The following KLF12 variants were observed in gnomAD, a reference collection of about 807,000 sequenced individuals.
The protein encoded by KLF12 is KLF transcription factor 12, also known as Krueppel-like factor 12.
A neutral mutation model predicts 37.8 loss-of-function variants in KLF12; 9 were observed. The observed-to-expected ratio is 0.24, with a 90% confidence interval of 0.14 to 0.42. The LOEUF is 0.42. Among genes scored for constraint, KLF12 ranks in the 10% least tolerant of loss-of-function variants. The pLI is 1.00. For synonymous variants in KLF12, 208 were observed against 202.1 expected (o/e 1.03, Z -0.25); for missense variants, 411 against 516.0 (o/e 0.80, Z 1.97).
chr13:74,041,732 A>ACACACC (rs1491104377), intron 1 of KLF12, among the ~76,000 whole-genome samples: 30 of 139,626 alleles, frequency 2.1e-4, no homozygotes, highest in East Asian at 1.3e-3. Context: ...ACACACACAC[A>ACACACC]CCCCTTCAAA....
intron 1 of KLF12, among the ~76,000 whole-genome samples, chr13:74,017,749 A>G (rs1892735591): frequency 6.6e-6 from 1 of 152,152 alleles, no homozygotes; most frequent in African/African-American, 2.4e-5. Context: ...ATTTATACAT[A>G]TATCTAAAGC....
the KLF12 span, among the ~76,000 whole-genome samples, chr13:74,236,051 C>T: frequency 5.4e-5 from 8 of 149,112 alleles, no homozygotes; most frequent in Admixed American, 1.3e-4. Context: ...CCCACTAACT[C>T]GTCATCTAGC....
upstream of KLF12, among the ~76,000 whole-genome samples, chr13:74,137,317 G>A (rs557122959): frequency 1.3e-3 from 193 of 152,296 alleles, 1 homozygote; most frequent in Middle Eastern, 0.027. Flanking sequence ...GAATTTGGGG[G>A]TTGAAAGTAT....
chr13:73,803,824 C>T (rs1882419794), intron 5 of KLF12, among the ~76,000 whole-genome samples: 1 of 147,952 alleles, frequency 6.8e-6, no homozygotes. Context: ...ACACTTTGTA[C>T]CATAAATTCC....
intron 1 of KLF12, among the ~76,000 whole-genome samples, chr13:74,048,084 C>T (rs772978687): frequency 1.5e-4 from 23 of 152,154 alleles, no homozygotes; most frequent in Non-Finnish European, 2.5e-4. Context: ...GTCCAGCTGT[C>T]ACACCCACAT....
Position 74,072,275 on chromosome 13 carries a change from T to C in KLF12, c.-32+61464A>G, listed in dbSNP as rs143664612. The stretch of plus-strand genomic sequence containing the variant: ...GGTACATGCTCATTAAAAAGAAATA[T>C]GAAAATATGATAATGAAAAATGCAT... On this transcript the variant is annotated intron_variant, in intron 1 of 7. Transcript: ENST00000377669. Among the ~76,000 whole-genome samples, 1,357 of 149,214 alleles carry C rather than the reference T, an allele frequency of 9.1e-3. 28 individuals carry two copies. Among genetic ancestry groups the C allele is most frequent in the African/African-American group, 0.031 (1,255 of 40,730 alleles).
intron 1 of KLF12, among the ~76,000 whole-genome samples, chr13:74,071,671 C>A (rs376741401): frequency 1.3e-5 from 2 of 151,842 alleles, no homozygotes; most frequent in Admixed American, 6.6e-5. Flanking sequence ...CCAGCCTGGG[C>A]GACAGAGCGA....
rs1566481773 is a variant in KLF12, at chr13:73,957,106, A to AAAGGAAAGGAAAGG, written c.34-13037_34-13036insCCTTTCCTTTCCTT. Among the ~76,000 whole-genome samples, 369 of 133,962 alleles carry AAAGGAAAGGAAAGG rather than the reference A, an allele frequency of 2.8e-3. 20 individuals are homozygous for AAAGGAAAGGAAAGG. The highest frequency in any genetic ancestry group is 4.9e-3 in the Admixed American group (64 of 13,006). 87.9% of individuals were successfully genotyped at this position (133,962 alleles called of 152,430 possible). On this transcript the variant is annotated intron_variant, in intron 2 of 7. Coordinates refer to ENST00000377669, the MANE Select transcript of KLF12 (RefSeq NM_007249.5). ...GAAAGGAAAGGAAAGGAAAGGAAAGAAAGGAAAAGAAAGAAAAGGAAAGGA... is the reference window on the plus strand; with the variant it reads ...GAAAGGAAAGGAAAGGAAAGGAAAGAAAGGAAAGGAAAGGAAGGAAAAGAAAGAAAAGGAAAGGA...
intron 2 of KLF12, 61 bp downstream of exon 2, chr13:73,994,929 C>A: frequency 8.6e-7 from 1 of 1,163,670 alleles, no homozygotes; most frequent in Non-Finnish European, 1.3e-6. Context: ...AATAAACTGC[C>A]CAAAAGTAAT....
chr13:74,189,529 T>C, the KLF12 span, among the ~76,000 whole-genome samples: 1 of 152,186 alleles, frequency 6.6e-6, no homozygotes. Flanking sequence ...TTGTTCCCTC[T>C]GCTAACTGTG....
chr13:74,249,379 C>CACACACACACACACACAT, the KLF12 span, among the ~76,000 whole-genome samples: 6 of 138,474 alleles, frequency 4.3e-5, no homozygotes, highest in Non-Finnish European at 7.7e-5. Flanking sequence ...CACACACACA[C>CACACACACACACACACAT]GCACACCCTC....
chr13:73,835,378 A>G (rs1884377081), intron 4 of KLF12, among the ~76,000 whole-genome samples: 1 of 152,188 alleles, frequency 6.6e-6, no homozygotes, highest in Non-Finnish European at 1.5e-5. Flanking sequence ...TACAGGTCTC[A>G]TGGTTCCATA....
At chr13:74,198,308 A>G in the KLF12 span, among the ~76,000 whole-genome samples, 2 of 151,900 alleles carry the variant, frequency 1.3e-5, no homozygotes, top group African/African-American at 4.8e-5. Context: ...AGGCTGTTAG[A>G]AAAAATATAA....
intron 3 of KLF12, among the ~76,000 whole-genome samples, chr13:73,853,903 G>C (rs1488251480): frequency 6.6e-6 from 1 of 152,150 alleles, no homozygotes; most frequent in East Asian, 1.9e-4. Flanking sequence ...ACACTTGTTA[G>C]CTTGGAATAT....
intron 3 of KLF12, among the ~76,000 whole-genome samples, chr13:73,903,083 C>A (rs1178784513): frequency 4.6e-5 from 7 of 152,184 alleles, no homozygotes; most frequent in Non-Finnish European, 1.0e-4. Flanking sequence ...GCCCACAAAT[C>A]AAGACATTAT....
chr13:74,230,730 G>T, the KLF12 span, among the ~76,000 whole-genome samples: 2 of 152,218 alleles, frequency 1.3e-5, no homozygotes, highest in East Asian at 1.9e-4. Flanking sequence ...TTCTGTGCAT[G>T]CACGACTATC....
the KLF12 span, among the ~76,000 whole-genome samples, chr13:74,203,302 C>T: frequency 6.6e-6 from 1 of 151,936 alleles, no homozygotes; most frequent in African/African-American, 2.4e-5. Flanking sequence ...GCTTGAAAAC[C>T]TCTGCTTTCT....
At chr13:74,241,598 C>T in the KLF12 span, among the ~76,000 whole-genome samples, 27 of 152,284 alleles carry the variant, frequency 1.8e-4, no homozygotes, top group African/African-American at 4.1e-4. Context: ...TAGCAATCAG[C>T]GAGACTCCGT....
chr13:74,052,929 C>T (rs1873016516), intron 1 of KLF12, among the ~76,000 whole-genome samples: 1 of 152,098 alleles, frequency 6.6e-6, no homozygotes, highest in South Asian at 2.1e-4. Flanking sequence ...ATCTTGTTTT[C>T]CCTCTAAAAC....
Sources: allele counts gnomAD v4.1 joint callset (sites outside exome capture counted in the v4.1 genomes callset), GRCh38; gene constraint gnomAD v4.1.1; transcripts MANE v1.5; gene names NCBI Gene and HGNC (gene_info 2026-07-23, HGNC 2026-07-21).